METTL24: variants seen among roughly 807,000 people sequenced by gnomAD.
METTL24 encodes the protein methyltransferase like 24, also known as probable methyltransferase-like protein 24.
METTL24 carries 29 observed loss-of-function variants against 32.7 expected under a neutral mutation model. The observed-to-expected ratio is 0.89, with a 90% confidence interval of 0.66 to 1.21. The LOEUF (loss-of-function observed/expected upper bound fraction) is 1.21. Among genes scored for constraint, METTL24 ranks in the 50% most tolerant of loss-of-function variants. METTL24 has a pLI of 0.00. For missense variants in METTL24, 439 were observed against 468.1 expected (o/e 0.94, Z 0.57); for synonymous variants, 163 against 179.5 (o/e 0.91, Z 0.73).
In METTL24 at chr6:110,244,368, C is replaced by G. The variant is rs1363428550; in HGVS notation, c.*1578G>C. On this transcript the variant is annotated 3_prime_UTR_variant, in exon 5 of 5. Coordinates refer to ENST00000338882, the MANE Select transcript of METTL24 (RefSeq NM_001123364.3). ...ATAAAAAGCATCTTGAGTTGAAGCT[C>G]TTTTTTTTTTCTGTGAACAAATAAA... 6.7e-6 allele frequency among the ~76,000 whole-genome samples: 1 copy of G among 148,952 alleles called. No homozygotes were observed. The highest frequency in any genetic ancestry group is 1.5e-5 in the Non-Finnish European group (1 of 67,052).
chr6:110,301,150 C>T (rs969523402), intron 3 of METTL24, among the ~76,000 whole-genome samples: 19 of 152,148 alleles, frequency 1.2e-4, no homozygotes, highest in Non-Finnish European at 1.6e-4. Context: ...GATGTCCCTC[C>T]GCCATAGCTT....
intron 4 of METTL24, among the ~76,000 whole-genome samples, chr6:110,283,429 A>C (rs764678845): frequency 5.9e-5 from 9 of 152,182 alleles, no homozygotes; most frequent in Non-Finnish European, 1.3e-4. Context: ...AACCAAGAAG[A>C]AGCTAACAAA....
intron 1 of METTL24, among the ~76,000 whole-genome samples, chr6:110,348,736 G>A (rs899259165): frequency 6.6e-6 from 1 of 152,200 alleles, no homozygotes; most frequent in Non-Finnish European, 1.5e-5. Context: ...TTGACTTGGA[G>A]TCTGATTCAT....
intron 1 of METTL24, chr6:110,357,350 A>T (rs1375663008): frequency 6.6e-6 from 1 of 152,136 alleles, no homozygotes; most frequent in African/African-American, 2.4e-5. Context: ...GTCCTCGAGG[A>T]TCCAATTAAC....
chr6:110,333,462 A>G (rs1252474762), intron 1 of METTL24, among the ~76,000 whole-genome samples: 1 of 150,398 alleles, frequency 6.6e-6, no homozygotes, highest in African/African-American at 2.4e-5. Context: ...TTATATTATT[A>G]TTTATTTATG....
intron 1 of METTL24, among the ~76,000 whole-genome samples, chr6:110,336,996 CAAT>C (rs1421891604): frequency 1.3e-5 from 2 of 152,046 alleles, no homozygotes; most frequent in Non-Finnish European, 2.9e-5. Flanking sequence ...TCACTATTCA[CAAT>C]AGCAAAGACA....
At position 110,358,232 on chromosome 6, in the gene METTL24, A is replaced by C. The variant is rs1433166434; in HGVS notation, c.41T>G (p.Leu14Arg). Residue 14 changes from leucine (L) to arginine (R), a missense_variant, in exon 1 of 5, where the codon CTG becomes CGG. Coordinates refer to ENST00000338882, the MANE Select transcript of METTL24 (RefSeq NM_001123364.3). ...ERPPGRGCGV[L>R]RRCLLGAVLL... ...CACAGCCCCGAGTAGACACCGGCGC[A>C]GGACGCCGCAGCCCCTCCCGGGCGG... The C allele has an allele frequency of 6.7e-7, 1 of 1,486,116 alleles. No individual in the cohort carries two copies. 92.1% of individuals were successfully genotyped at this position (1,486,116 alleles called of 1,614,324 possible). A position where few individuals can be genotyped will look rare whatever the true frequency, so the allele number is the denominator to read the frequency against.
rs562978705 is a variant in METTL24 at position 110,356,142 on chromosome 6, T to G, written c.318+1813A>C. ...GAGGGGAATAAAAGAAGCCCCACTC[T>G]TAAGAAACATCACAGTGTTGGCCAG... On this transcript the variant is annotated intron_variant, in intron 1 of 4. Coordinates refer to ENST00000338882, the MANE Select transcript of METTL24 (RefSeq NM_001123364.3). 1.6e-4 allele frequency among the ~76,000 whole-genome samples: 25 copies of G among 152,284 alleles called. No individual in the cohort carries two copies. The South Asian group carries it at 5.2e-3, about 32-fold the overall frequency.
chr6:110,293,524 T>G (rs1771357987), intron 4 of METTL24, among the ~76,000 whole-genome samples: 1 of 152,000 alleles, frequency 6.6e-6, no homozygotes, highest in South Asian at 2.1e-4. Flanking sequence ...AATTAATATG[T>G]CCTTCAATAA....
Position 110,358,345 on chromosome 6 carries a change from C to A in METTL24, c.-73G>T. 8.6e-7 allele frequency: 1 copy of A among 1,163,318 alleles called. No individual in the cohort carries two copies. Among genetic ancestry groups the A allele is most frequent in the Non-Finnish European group, 1.1e-6 (1 of 893,390 alleles). The allele number at this position is 1,163,318 out of a possible 1,614,324, so 72.1% of individuals were successfully genotyped here. On this transcript the variant is annotated 5_prime_UTR_variant, in exon 1 of 5. Transcript: ENST00000338882. ...ATGTAGCCCCACAGGCCGGAGCGGC[C>A]AACTGTGGGAACTCCCCCGCGGGCC...
chr6:110,316,102 A>G (rs1223085682), intron 2 of METTL24, among the ~76,000 whole-genome samples: 1 of 152,306 alleles, frequency 6.6e-6, no homozygotes, highest in Non-Finnish European at 1.5e-5. Context: ...CCCTGCTGAT[A>G]AGGCAGTGTT....
intron 4 of METTL24, among the ~76,000 whole-genome samples, chr6:110,265,843 T>C (rs1428117257): frequency 1.3e-5 from 2 of 151,926 alleles, no homozygotes; most frequent in South Asian, 2.1e-4. Flanking sequence ...TTTTTATTCC[T>C]CCTCCTCTTC....
intron 1 of METTL24, among the ~76,000 whole-genome samples, chr6:110,343,713 G>A (rs776686604): frequency 4.6e-5 from 7 of 152,186 alleles, no homozygotes; most frequent in Non-Finnish European, 1.0e-4. Flanking sequence ...AGAAAATACA[G>A]CCTGTAAGAA....
chr6:110,298,324 G>A (rs1178897252), intron 4 of METTL24, among the ~76,000 whole-genome samples: 39 of 152,118 alleles, frequency 2.6e-4, no homozygotes, highest in Admixed American at 2.5e-3. Flanking sequence ...TTCAAAGATT[G>A]TTTCTTTTTT....
At chr6:110,319,550 G>A (rs1195203614) in intron 2 of METTL24, among the ~76,000 whole-genome samples, 1 of 151,856 alleles carries the variant, frequency 6.6e-6, no homozygotes, top group Non-Finnish European at 1.5e-5. Flanking sequence ...TATACTGCAA[G>A]GCATGTTTCC....
chr6:110,272,571 T>C (rs1770976928), intron 4 of METTL24, among the ~76,000 whole-genome samples: 1 of 152,252 alleles, frequency 6.6e-6, no homozygotes, highest in African/African-American at 2.4e-5. Flanking sequence ...GTTGAACTAA[T>C]GTACATTTCC....
At chr6:110,344,661 G>T (rs548950063) in intron 1 of METTL24, among the ~76,000 whole-genome samples, 5 of 152,224 alleles carry the variant, frequency 3.3e-5, no homozygotes, top group Non-Finnish European at 2.9e-5. Context: ...CCCCAAGTTA[G>T]TGTTTCCCAA....
intron 3 of METTL24, among the ~76,000 whole-genome samples, chr6:110,307,237 A>C (rs925110810): frequency 1.3e-5 from 2 of 152,260 alleles, no homozygotes; most frequent in Admixed American, 1.3e-4. Flanking sequence ...TGGATAAGTT[A>C]AACATGGTCC....
intron 4 of METTL24, among the ~76,000 whole-genome samples, chr6:110,262,487 C>T (rs892277946): frequency 7.2e-5 from 11 of 151,970 alleles, no homozygotes; most frequent in Non-Finnish European, 1.6e-4. Flanking sequence ...AGCTTACCAA[C>T]CAAAAAAAAG....
Sources: allele counts gnomAD v4.1 joint callset (sites outside exome capture counted in the v4.1 genomes callset), GRCh38; gene constraint gnomAD v4.1.1; transcripts MANE v1.5; gene names NCBI Gene and HGNC (gene_info 2026-07-23, HGNC 2026-07-21).